The following CDH18 variants were observed in gnomAD, a reference collection of about 807,000 sequenced individuals.
The protein encoded by CDH18 is cadherin-18.
Under a neutral mutation model 67.9 loss-of-function variants are expected in CDH18, and 31 were observed. That is an observed-to-expected ratio of 0.46 (90% CI 0.34 to 0.62). The LOEUF is 0.62. Among genes scored for constraint, CDH18 ranks in the 20% least tolerant of loss-of-function variants. The probability of loss-of-function intolerance (pLI) is 0.01; values close to 1 mark genes in which losing one functional copy is unlikely to be tolerated. For synonymous variants in CDH18, 362 were observed against 347.2 expected (o/e 1.04, Z -0.48); for missense variants, 890 against 975.5 (o/e 0.91, Z 1.17).
At chr5:20,135,647 T>C (rs1249885945) in intron 2 of CDH18, among the ~76,000 whole-genome samples, 2 of 152,186 alleles carry the variant, frequency 1.3e-5, no homozygotes, top group Non-Finnish European at 2.9e-5. Flanking sequence ...TTGAATGTGT[T>C]TGCTCTTGCT....
chr5:19,789,194 C>T (rs1271823869), intron 3 of CDH18, among the ~76,000 whole-genome samples: 1 of 152,324 alleles, frequency 6.6e-6, no homozygotes, highest in East Asian at 1.9e-4. Context: ...TACACCATGT[C>T]TGCAAAAGCT....
At chr5:19,531,900 C>T (rs1033345825) in intron 9 of CDH18, among the ~76,000 whole-genome samples, 1 of 152,148 alleles carries the variant, frequency 6.6e-6, no homozygotes, top group African/African-American at 2.4e-5. Flanking sequence ...ACAGTATCTA[C>T]TTGTCATTCT....
chr5:19,800,380 T>C (rs753021935), intron 3 of CDH18, among the ~76,000 whole-genome samples: 2 of 152,182 alleles, frequency 1.3e-5, no homozygotes, highest in Non-Finnish European at 2.9e-5. Context: ...AAAATGTATG[T>C]AATTTTTTTA....
At chr5:19,531,632 C>G (rs1467952138) in intron 9 of CDH18, among the ~76,000 whole-genome samples, 1 of 147,238 alleles carries the variant, frequency 6.8e-6, no homozygotes, top group Non-Finnish European at 1.5e-5. Context: ...CACACACACA[C>G]ACACACAAAC....
At chr5:19,978,871 A>G (rs1798751595) in intron 2 of CDH18, among the ~76,000 whole-genome samples, 1 of 152,130 alleles carries the variant, frequency 6.6e-6, no homozygotes, top group African/African-American at 2.4e-5. Context: ...TCTCTAATAG[A>G]CAACCTTAAT....
At chr5:20,388,547 G>GT (rs1489212204) in intron 1 of CDH18, among the ~76,000 whole-genome samples, 35 of 151,950 alleles carry the variant, frequency 2.3e-4, no homozygotes, top group African/African-American at 8.2e-4. Context: ...TTTTTGAAGG[G>GT]TTTTTTGTGT....
At chr5:19,946,705 A>C (rs1270732886) in intron 2 of CDH18, among the ~76,000 whole-genome samples, 1 of 152,130 alleles carries the variant, frequency 6.6e-6, no homozygotes, top group African/African-American at 2.4e-5. Context: ...CTCTTTCAGG[A>C]AATAGAAGGG....
In CDH18 at chr5:20,450,952, T is replaced by C. The variant is rs1340001783; in HGVS notation, c.-580+124510A>G. Among the ~76,000 whole-genome samples, 3 of 152,270 alleles carry C rather than the reference T, an allele frequency of 2.0e-5. No individual in the cohort carries two copies. In the South Asian group the frequency reaches 6.2e-4, roughly 32 times the overall value. On this transcript the variant is annotated intron_variant, in intron 1 of 14. Transcript: ENST00000507958. ...GCATGTGCAGGAGAAATATTCTTTA[T>C]AAAACCATCAGATCTATTGAGACTT...
chr5:19,578,504 CTA>C (rs1181099924), intron 7 of CDH18, among the ~76,000 whole-genome samples: 3 of 151,248 alleles, frequency 2.0e-5, no homozygotes, highest in Non-Finnish European at 4.4e-5. Context: ...TGCTTATTTT[CTA>C]TGTCTTTCAT....
rs776078908 is a variant in CDH18 at position 19,994,853 on chromosome 5, T to TAGAGAGAGAGAGAGAGAGAGAGAGAGAG, written c.-517-2840_-517-2839insCTCTCTCTCTCTCTCTCTCTCTCTCTCT. Reference sequence around the variant, plus strand: ...GAATATATATATATATATATATATATATAGAGAGAGAGAGAGAGAGAGAGA... The same window carrying TAGAGAGAGAGAGAGAGAGAGAGAGAGAG: ...GAATATATATATATATATATATATATAGAGAGAGAGAGAGAGAGAGAGAGAGAGATAGAGAGAGAGAGAGAGAGAGAGA... On this transcript the variant is annotated intron_variant, in intron 2 of 14. Coordinates refer to the CDH18 transcript ENST00000507958. Among the ~76,000 whole-genome samples, 3 of 53,208 alleles carry TAGAGAGAGAGAGAGAGAGAGAGAGAGAG rather than the reference T, an allele frequency of 5.6e-5. 1 individual carries two copies. Among genetic ancestry groups the TAGAGAGAGAGAGAGAGAGAGAGAGAGAG allele is most frequent in the African/African-American group, 1.9e-4 (2 of 10,432 alleles). 34.9% of individuals were successfully genotyped at this position (53,208 alleles called of 152,430 possible).
At position 20,484,939 on chromosome 5, in the gene CDH18, T is replaced by C. The variant is rs1225955607; in HGVS notation, c.-580+90523A>G. 2.0e-5 allele frequency among the ~76,000 whole-genome samples: 3 copies of C among 152,158 alleles called. No homozygotes were observed. In the East Asian group the frequency reaches 5.8e-4, roughly 29 times the overall value. ...ATTTTGAAACAACTAAAAGAGTATA[T>C]TTGGATTGTTTATAACACAAAGAAA... On this transcript the variant is annotated intron_variant, in intron 1 of 14. Coordinates refer to the CDH18 transcript ENST00000507958.
intron 1 of CDH18, among the ~76,000 whole-genome samples, chr5:20,348,670 A>G (rs968655267): frequency 2.0e-5 from 3 of 152,206 alleles, no homozygotes; most frequent in Admixed American, 1.3e-4. Flanking sequence ...AATACAAGAC[A>G]GGGAAAAGCA....
chr5:19,782,647 A>C (rs1405152055), intron 3 of CDH18, among the ~76,000 whole-genome samples: 2 of 152,168 alleles, frequency 1.3e-5, no homozygotes, highest in African/African-American at 4.8e-5. Context: ...CTGCATTTAC[A>C]TGAGCGCACT....
chr5:20,519,793 C>A (rs141835050), intron 1 of CDH18, among the ~76,000 whole-genome samples: 1 of 151,804 alleles, frequency 6.6e-6, no homozygotes, highest in East Asian at 1.9e-4. Context: ...CTCTTTTCTT[C>A]AGCATCATCC....
intron 10 of CDH18, among the ~76,000 whole-genome samples, chr5:19,518,356 T>G (rs117434379): frequency 1.3e-5 from 2 of 152,308 alleles, no homozygotes; most frequent in East Asian, 3.9e-4. Flanking sequence ...AAATGCTACC[T>G]AAATATGTTT....
intron 1 of CDH18, among the ~76,000 whole-genome samples, chr5:20,558,987 A>G (rs1581199268): frequency 6.6e-6 from 1 of 151,236 alleles, no homozygotes; most frequent in African/African-American, 2.4e-5. Context: ...CAGGCACTGA[A>G]CAAACACTTG....
chr5:20,159,472 A>C lies in CDH18; in HGVS notation c.-518+95972T>G, dbSNP rs190870776. ...CAATCCAACATACTTACTCCAACTG[A>C]AAGATTTATAGGTTAGAAAATATAA... On this transcript the variant is annotated intron_variant, in intron 2 of 14. Coordinates refer to the CDH18 transcript ENST00000507958. 2.2e-3 allele frequency among the ~76,000 whole-genome samples: 334 copies of C among 152,256 alleles called. 2 individuals are homozygous for C. The highest frequency in any genetic ancestry group is 7.5e-3 in the African/African-American group (312 of 41,562).
intron 2 of CDH18, among the ~76,000 whole-genome samples, chr5:20,178,937 T>A (rs1277137049): frequency 6.6e-6 from 1 of 152,116 alleles, no homozygotes; most frequent in Non-Finnish European, 1.5e-5. Flanking sequence ...TAATTATTAC[T>A]TTCAAGAGGG....
At chr5:19,853,016 G>C (rs540752027) in intron 2 of CDH18, among the ~76,000 whole-genome samples, 1 of 152,090 alleles carries the variant, frequency 6.6e-6, no homozygotes, top group Admixed American at 6.6e-5. Flanking sequence ...GAAAAATAAA[G>C]AATAAAAAAA....
Sources: gnomAD v4.1 joint callset for allele counts (sites outside exome capture counted in the v4.1 genomes callset) on GRCh38, gnomAD v4.1.1 for gene constraint, MANE v1.5 for transcripts, NCBI Gene and HGNC (gene_info 2026-07-23, HGNC 2026-07-21) for gene names.